The following GRAMD1B variants were observed in gnomAD, a reference collection of about 807,000 sequenced individuals.
GRAMD1B encodes protein Aster-B.
Under a neutral mutation model 99.7 loss-of-function variants are expected in GRAMD1B, and 37 were observed. That is an observed-to-expected ratio of 0.37 (90% CI 0.29 to 0.49). GRAMD1B has a LOEUF of 0.49. Ranked by LOEUF, GRAMD1B falls within the 20% of genes least tolerant of loss-of-function variation. The pLI is 0.98. For missense variants in GRAMD1B, 888 were observed against 1,009.2 expected (o/e 0.88, Z 1.63); for synonymous variants, 427 against 387.6 (o/e 1.10, Z -1.19).
chr11:123,543,292 T>C (rs748438586), intron 2 of GRAMD1B, among the ~76,000 whole-genome samples: 16 of 152,218 alleles, frequency 1.1e-4, no homozygotes, highest in Non-Finnish European at 2.2e-4. Flanking sequence ...CACTCCCCTA[T>C]TTAACTGGAT....
intron 1 of GRAMD1B, among the ~76,000 whole-genome samples, chr11:123,364,681 C>A (rs564227759): frequency 6.6e-6 from 1 of 152,118 alleles, no homozygotes; most frequent in Non-Finnish European, 1.5e-5. Context: ...AGATACAAGG[C>A]TCCATCTTTC....
At chr11:123,534,189 C>A (rs1219685075) in intron 2 of GRAMD1B, among the ~76,000 whole-genome samples, 4 of 152,164 alleles carry the variant, frequency 2.6e-5, no homozygotes, top group African/African-American at 9.7e-5. Flanking sequence ...GCATTATATA[C>A]TGTATTCTTG....
In GRAMD1B at chr11:123,381,743, C is replaced by T. The variant is rs565602037; in HGVS notation, c.-176+22944C>T. Among the ~76,000 whole-genome samples the T allele has an allele frequency of 3.5e-4, 53 of 152,158 alleles. 1 individual carries two copies. The highest frequency in any genetic ancestry group is 6.9e-4 in the Non-Finnish European group (47 of 68,028). ...GTGGTCACCATCTCTTGGAACTATGCTATTTTTTTAAATGATAAAAATTAA... is the reference window on the plus strand; with the variant it reads ...GTGGTCACCATCTCTTGGAACTATGTTATTTTTTTAAATGATAAAAATTAA... On this transcript the variant is annotated intron_variant, in intron 1 of 20. Coordinates refer to the GRAMD1B transcript ENST00000638157.
intron 1 of GRAMD1B, among the ~76,000 whole-genome samples, chr11:123,380,839 C>T (rs879895942): frequency 1.3e-5 from 2 of 152,210 alleles, no homozygotes; most frequent in Non-Finnish European, 2.9e-5. Flanking sequence ...TCTCCCTCCT[C>T]ATTCTGGGAC....
chr11:123,587,662 G>A lies in GRAMD1B; in HGVS notation c.684+3330G>A, dbSNP rs532761734. Among the ~76,000 whole-genome samples the A allele has an allele frequency of 6.6e-6, 1 of 152,302 alleles. No individual in the cohort carries two copies. The highest frequency in any genetic ancestry group is 6.5e-5 in the Admixed American group (1 of 15,306). ...GGAGCATTTCTGAGATCAGAGCACA[G>A]GAGCCCAGACCCTGGCAGCCGCCTG... On this transcript the variant is annotated intron_variant, in intron 4 of 19. Coordinates refer to ENST00000635736, the MANE Select transcript of GRAMD1B (RefSeq NM_001387025.1). The surrounding 1 kb of genome is among the most constrained non-coding windows in gnomAD (Gnocchi z 4.2).
At chr11:123,537,011 C>T (rs1464966012) in intron 2 of GRAMD1B, among the ~76,000 whole-genome samples, 1 of 152,218 alleles carries the variant, frequency 6.6e-6, no homozygotes, top group African/African-American at 2.4e-5. Context: ...GTGTACAAGA[C>T]CTTTAATATT....
At chr11:123,455,907 C>T (rs1950095157) in intron 1 of GRAMD1B, among the ~76,000 whole-genome samples, 1 of 152,156 alleles carries the variant, frequency 6.6e-6, no homozygotes, top group Non-Finnish European at 1.5e-5. Context: ...GGGTGGCTCG[C>T]TCCTGTAGTC....
At chr11:123,505,081 G>A (rs561148062) in intron 2 of GRAMD1B, among the ~76,000 whole-genome samples, 2 of 152,170 alleles carry the variant, frequency 1.3e-5, no homozygotes, top group South Asian at 4.2e-4. Context: ...CCCTCTTAAT[G>A]TCGGACACCC....
intron 2 of GRAMD1B, among the ~76,000 whole-genome samples, chr11:123,564,185 G>A (rs148768539): frequency 1.3e-5 from 2 of 152,156 alleles, no homozygotes; most frequent in African/African-American, 4.8e-5. Flanking sequence ...GCAACCTCTG[G>A]CACTGAGGTG....
intron 1 of GRAMD1B, among the ~76,000 whole-genome samples, chr11:123,420,188 A>G (rs539386262): frequency 8.5e-5 from 13 of 152,198 alleles, no homozygotes; most frequent in Non-Finnish European, 1.8e-4. Context: ...GCAAATGAAC[A>G]TAGTGGAGAC....
intron 1 of GRAMD1B, among the ~76,000 whole-genome samples, chr11:123,390,654 A>G (rs1408213118): frequency 6.6e-6 from 1 of 152,110 alleles, no homozygotes; most frequent in Non-Finnish European, 1.5e-5. Flanking sequence ...TTTCCAGGTA[A>G]TTTTTCTAGT....
At chr11:123,445,163 G>A (rs766598379) in intron 1 of GRAMD1B, among the ~76,000 whole-genome samples, 81 of 152,320 alleles carry the variant, frequency 5.3e-4, no homozygotes, top group Non-Finnish European at 5.6e-4. Context: ...TTCTAGAGAA[G>A]GATCAGGCTG....
At chr11:123,560,719 TG>T in intron 2 of GRAMD1B, 2 of 453,654 alleles carry the variant, frequency 4.4e-6, no homozygotes, top group African/African-American at 4.1e-5. Flanking sequence ...TGTGTGTGTG[TG>T]TGTGTGTGTG....
At chr11:123,569,764 C>T (rs1024702517) in intron 2 of GRAMD1B, among the ~76,000 whole-genome samples, 4 of 152,166 alleles carry the variant, frequency 2.6e-5, no homozygotes, top group African/African-American at 7.2e-5. Context: ...GAGGATAGGA[C>T]GTGTGTAACT....
intron 14 of GRAMD1B, among the ~76,000 whole-genome samples, chr11:123,611,209 A>C (rs1565462961): frequency 1.3e-5 from 2 of 151,822 alleles, no homozygotes; most frequent in Admixed American, 6.6e-5. Context: ...CTTACGCAGG[A>C]GGGATTGCTT....
chr11:123,413,468 G>A (rs1000178683), intron 1 of GRAMD1B, among the ~76,000 whole-genome samples: 1 of 151,890 alleles, frequency 6.6e-6, no homozygotes, highest in African/African-American at 2.4e-5. Context: ...GGGGTAAGGA[G>A]GCATTGGGAA....
At chr11:123,392,561 T>C (rs957889333) in intron 1 of GRAMD1B, among the ~76,000 whole-genome samples, 7 of 151,982 alleles carry the variant, frequency 4.6e-5, no homozygotes, top group African/African-American at 1.7e-4. Flanking sequence ...ATACTCATAT[T>C]ATACAGTATG....
chr11:123,553,484 C>A (rs1453509667), intron 2 of GRAMD1B, among the ~76,000 whole-genome samples: 1 of 152,198 alleles, frequency 6.6e-6, no homozygotes, highest in Non-Finnish European at 1.5e-5. Context: ...GATTGAATGG[C>A]AATGTTGGTT....
At chr11:123,617,830 A>AG (rs1267894474) in intron 17 of GRAMD1B, among the ~76,000 whole-genome samples, 1 of 151,220 alleles carries the variant, frequency 6.6e-6, no homozygotes, top group Non-Finnish European at 1.5e-5. Flanking sequence ...GGCTGAGAGA[A>AG]GGAGAGAATT....
Sources: allele counts gnomAD v4.1 joint callset (sites outside exome capture counted in the v4.1 genomes callset), GRCh38; gene constraint gnomAD v4.1.1; non-coding constraint Gnocchi (gnomAD v3.1); transcripts MANE v1.5; gene names NCBI Gene and HGNC (gene_info 2026-07-23, HGNC 2026-07-21).